Variants in WWOX observed in about 807,000 individuals in gnomAD.
WWOX encodes the protein WW domain containing oxidoreductase, also known as WW domain-containing oxidoreductase.
Under a neutral mutation model 46.2 loss-of-function variants are expected in WWOX, and 69 were observed. The ratio of observed to expected loss-of-function variants is 1.49; its 90% CI spans 1.23 to 1.82. The LOEUF (loss-of-function observed/expected upper bound fraction) is 1.82, where lower values mean the gene tolerates loss of function less well. WWOX is among the 40% of genes most tolerant of loss of function. The probability of loss-of-function intolerance (pLI) is 0.00; values close to 1 mark genes in which losing one functional copy is unlikely to be tolerated. For missense variants in WWOX, 919 were observed against 542.6 expected, an observed-to-expected ratio of 1.69 and a Z score of -6.89; for synonymous variants, 359 against 202.6, an observed-to-expected ratio of 1.77 and a Z score of -6.56.
chr16:79,129,185 C>G (rs1341029324), intron 8 of WWOX, among the ~76,000 whole-genome samples: 3 of 151,756 alleles, frequency 2.0e-5, no homozygotes, highest in Admixed American at 2.0e-4. Context: ...CATCAAGTAT[C>G]AAGACAAGTC....
At chr16:78,411,828 C>T (rs542528777) in intron 6 of WWOX, among the ~76,000 whole-genome samples, 56 of 152,180 alleles carry the variant, frequency 3.7e-4, no homozygotes, top group Non-Finnish European at 6.2e-4. Flanking sequence ...GTGATCCTAG[C>T]AGCTGAGCCT....
chr16:79,077,565 A>G (rs1302611171), intron 8 of WWOX: 1 of 151,980 alleles, frequency 6.6e-6, no homozygotes, highest in Admixed American at 6.5e-5. Flanking sequence ...ACATACCGAC[A>G]GCATACAAAT....
intron 8 of WWOX, among the ~76,000 whole-genome samples, chr16:78,617,726 C>T (rs1486338475): frequency 6.6e-6 from 1 of 152,172 alleles, no homozygotes; most frequent in African/African-American, 2.4e-5. Context: ...AATCTTTGTG[C>T]ATGGCTGTCT....
chr16:78,893,846 T>C (rs1433428381), intron 8 of WWOX, among the ~76,000 whole-genome samples: 1 of 152,120 alleles, frequency 6.6e-6, no homozygotes, highest in East Asian at 1.9e-4. Context: ...ACTCACACAG[T>C]ATCTTTTGTT....
chr16:78,552,693 C>T (rs1382401894), intron 8 of WWOX: 1 of 152,206 alleles, frequency 6.6e-6, no homozygotes, highest in African/African-American at 2.4e-5. Context: ...CTTTCTCCTC[C>T]TAAGAAAAAG....
chr16:78,860,655 G>C (rs1212733716), intron 8 of WWOX, among the ~76,000 whole-genome samples: 1 of 152,194 alleles, frequency 6.6e-6, no homozygotes, highest in Admixed American at 6.5e-5. Flanking sequence ...ATAAGTTCAG[G>C]TAATGATAAT....
chr16:78,575,499 C>T (rs1422049229), intron 8 of WWOX, among the ~76,000 whole-genome samples: 1 of 152,024 alleles, frequency 6.6e-6, no homozygotes, highest in South Asian at 2.1e-4. Context: ...GACAAGAAGG[C>T]ACAAATCGTC....
intron 8 of WWOX, among the ~76,000 whole-genome samples, chr16:78,790,072 A>G (rs1184721017): frequency 6.6e-6 from 1 of 152,228 alleles, no homozygotes; most frequent in Non-Finnish European, 1.5e-5. Context: ...AACACCTTGC[A>G]CATAGGAAGC....
chr16:79,117,714 G>A (rs1475381996), intron 8 of WWOX, among the ~76,000 whole-genome samples: 1 of 152,222 alleles, frequency 6.6e-6, no homozygotes, highest in Non-Finnish European at 1.5e-5. Flanking sequence ...TGCAGCTTCT[G>A]CATCAGCACT....
chr16:78,316,436 G>A (rs530335590), intron 5 of WWOX, among the ~76,000 whole-genome samples: 118 of 152,170 alleles, frequency 7.8e-4, no homozygotes, highest in African/African-American at 2.8e-3. Context: ...CGACCCCCCT[G>A]GGTTCAAGCG....
intron 4 of WWOX, among the ~76,000 whole-genome samples, chr16:78,130,929 C>A (rs953438529): frequency 6.6e-6 from 1 of 152,196 alleles, no homozygotes; most frequent in East Asian, 1.9e-4. Flanking sequence ...GATGTACTTA[C>A]AAATCCTACG....
chr16:78,474,969 A>T (rs1463061487), intron 8 of WWOX, among the ~76,000 whole-genome samples: 4 of 152,252 alleles, frequency 2.6e-5, no homozygotes, highest in African/African-American at 9.6e-5. Context: ...AAAATATTTA[A>T]TTTATTTAGG....
intron 8 of WWOX, among the ~76,000 whole-genome samples, chr16:78,603,359 A>T (rs2045668803): frequency 6.6e-6 from 1 of 152,208 alleles, no homozygotes; most frequent in Non-Finnish European, 1.5e-5. Flanking sequence ...ATCAGGGATG[A>T]ACGCCCCCAC....
chr16:79,054,811 G>C (rs570913437), intron 8 of WWOX, among the ~76,000 whole-genome samples: 1 of 152,308 alleles, frequency 6.6e-6, no homozygotes, highest in Admixed American at 6.5e-5. Flanking sequence ...GGATGAAAGA[G>C]TATGACCTTT....
chr16:78,740,252 A>T (rs796951859), intron 8 of WWOX, among the ~76,000 whole-genome samples: 1 of 152,134 alleles, frequency 6.6e-6, no homozygotes, highest in South Asian at 2.1e-4. Flanking sequence ...CGTTCTTACA[A>T]TGCTGATGCG....
At chr16:78,813,215 C>A (rs80240120) in intron 8 of WWOX, among the ~76,000 whole-genome samples, 1 of 151,696 alleles carries the variant, frequency 6.6e-6, no homozygotes, top group Non-Finnish European at 1.5e-5. Flanking sequence ...GCTATCATAG[C>A]GTTACCTACC....
chr16:78,276,773 C>T (rs149792352), intron 5 of WWOX, among the ~76,000 whole-genome samples: 29 of 152,186 alleles, frequency 1.9e-4, no homozygotes, highest in South Asian at 1.0e-3. Flanking sequence ...TGGTGAGGGA[C>T]GGGGGCTAGG....
At chr16:78,465,406 C>A (rs555269226) in intron 8 of WWOX, among the ~76,000 whole-genome samples, 1 of 152,304 alleles carries the variant, frequency 6.6e-6, no homozygotes, top group South Asian at 2.1e-4. Context: ...TCTCCAACTC[C>A]TAAGCTCAAG....
At chr16:78,507,314 G>C (rs1377779950) in intron 8 of WWOX, among the ~76,000 whole-genome samples, 1 of 152,206 alleles carries the variant, frequency 6.6e-6, no homozygotes, top group Non-Finnish European at 1.5e-5. Flanking sequence ...TGTAAATTGT[G>C]CCTAGGAAAC....
Sources: allele counts gnomAD v4.1 joint callset (sites outside exome capture counted in the v4.1 genomes callset), GRCh38; gene constraint gnomAD v4.1.1; transcripts MANE v1.5; gene names NCBI Gene and HGNC (gene_info 2026-07-23, HGNC 2026-07-21).